The following KSR2 variants were observed in gnomAD, a reference collection of about 807,000 sequenced individuals.
KSR2 encodes kinase suppressor of ras 2.
In KSR2, 25 loss-of-function variants were observed where a neutral mutation model predicts 107.8. The observed-to-expected ratio is 0.23, with a 90% CI of 0.17 to 0.32. The LOEUF (loss-of-function observed/expected upper bound fraction) is 0.32. Among genes scored for constraint, KSR2 ranks in the 10% least tolerant of loss-of-function variants. KSR2 has a pLI of 1.00. For synonymous variants in KSR2, 480 were observed against 507.0 expected (o/e 0.95, Z 0.71); for missense variants, 887 against 1,268.9 (o/e 0.70, Z 4.57).
intron 12 of KSR2, among the ~76,000 whole-genome samples, 183 bp from the exon 13 acceptor site, chr12:117,527,302 GACACAC>G (rs754390805): frequency 2.8e-4 from 19 of 67,744 alleles, no homozygotes; most frequent in African/African-American, 6.6e-4. Flanking sequence ...CACACACACA[GACACAC>G]ACACACACAC....
intron 1 of KSR2, among the ~76,000 whole-genome samples, chr12:117,893,054 GT>G (rs1894397898): frequency 6.9e-6 from 1 of 145,012 alleles, no homozygotes. Flanking sequence ...GTCTTACTCT[GT>G]CACCCAGGCT....
chr12:117,936,521 T>TAGTAGTAGTAGTAG (rs1566089539), intron 1 of KSR2, among the ~76,000 whole-genome samples: 1 of 46,764 alleles, frequency 2.1e-5, no homozygotes. Flanking sequence ...TTTATTATTA[T>TAGTAGTAGTAGTAG]TATTATTATT....
At chr12:117,570,614 G>T (rs1421854478) in intron 7 of KSR2, among the ~76,000 whole-genome samples, 1 of 152,166 alleles carries the variant, frequency 6.6e-6, no homozygotes, top group East Asian at 1.9e-4. Flanking sequence ...TAGTGGGTCT[G>T]TTTCTTTTTA....
chr12:117,845,377 C>G (rs1377731369), intron 3 of KSR2, among the ~76,000 whole-genome samples: 3 of 152,186 alleles, frequency 2.0e-5, no homozygotes, highest in Admixed American at 2.0e-4. Context: ...GACCTGTTTG[C>G]TCTCAGAATG....
intron 5 of KSR2, among the ~76,000 whole-genome samples, chr12:117,632,886 T>C (rs2136377604): frequency 6.6e-6 from 1 of 152,332 alleles, no homozygotes; most frequent in East Asian, 1.9e-4. Context: ...TTTTTATGGC[T>C]GTGTAGTGTT....
chr12:117,860,016 C>T (rs1011706179), intron 2 of KSR2, among the ~76,000 whole-genome samples: 2 of 152,174 alleles, frequency 1.3e-5, no homozygotes, highest in African/African-American at 2.4e-5. Context: ...CACTGGACAG[C>T]GCTGGACTAA....
intron 3 of KSR2, among the ~76,000 whole-genome samples, chr12:117,790,114 A>G (rs532027869): frequency 6.6e-6 from 1 of 152,280 alleles, no homozygotes; most frequent in Admixed American, 6.5e-5. Context: ...GGACCAAAAC[A>G]TAAGAGTTGT....
At chr12:117,667,819 A>G (rs971354493) in intron 4 of KSR2, among the ~76,000 whole-genome samples, 161 bp from the exon 5 acceptor site, 1 of 152,162 alleles carries the variant, frequency 6.6e-6, no homozygotes, top group African/African-American at 2.4e-5. Flanking sequence ...AGGGCTGGGC[A>G]AAAAGGGTTT....
intron 5 of KSR2, among the ~76,000 whole-genome samples, chr12:117,585,533 C>A (rs777716406): frequency 3.3e-5 from 5 of 152,198 alleles, no homozygotes. Context: ...CAGCTTCCTA[C>A]GTGGGCAAGA....
At chr12:117,573,791 A>G (rs1263226977) in intron 7 of KSR2, among the ~76,000 whole-genome samples, 1 of 151,998 alleles carries the variant, frequency 6.6e-6, no homozygotes, top group Admixed American at 6.6e-5. Context: ...AGCCACCCAA[A>G]GTGCTGGGAT....
chr12:117,523,204 A>G (rs755578638), intron 14 of KSR2, among the ~76,000 whole-genome samples: 1 of 152,194 alleles, frequency 6.6e-6, no homozygotes, highest in African/African-American at 2.4e-5. Flanking sequence ...TCATAAGTGG[A>G]CTTAAGAAGG....
chr12:117,591,641 G>A (rs1257183423), intron 5 of KSR2, among the ~76,000 whole-genome samples: 1 of 151,472 alleles, frequency 6.6e-6, no homozygotes, highest in Non-Finnish European at 1.5e-5. Context: ...GGATGTGAGG[G>A]ACAACATCAC....
chr12:117,647,528 A>T (rs939782809), intron 5 of KSR2, among the ~76,000 whole-genome samples: 6 of 152,150 alleles, frequency 3.9e-5, no homozygotes, highest in Admixed American at 2.6e-4. Flanking sequence ...TATTTGGAGA[A>T]GGAAGAGTCC....
intron 5 of KSR2, among the ~76,000 whole-genome samples, chr12:117,613,539 A>G (rs960364446): frequency 6.6e-6 from 1 of 152,174 alleles, no homozygotes; most frequent in African/African-American, 2.4e-5. Flanking sequence ...ACCACAGGGC[A>G]TGGGATTTGG....
chr12:117,484,299 G>C, intron 16 of KSR2, 117 bp downstream of exon 16: 1 of 1,199,364 alleles, frequency 8.3e-7, no homozygotes, highest in African/African-American at 1.5e-5. Context: ...GCCCCACTCA[G>C]CTCAGCAACC....
chr12:117,795,520 T>C (rs1440606581), intron 3 of KSR2, among the ~76,000 whole-genome samples: 2 of 152,086 alleles, frequency 1.3e-5, no homozygotes, highest in Non-Finnish European at 2.9e-5. Context: ...TCTTCACAGA[T>C]GTCCCCAGCT....
At chr12:117,519,545 ATAAT>A (rs1390645827) in intron 14 of KSR2, among the ~76,000 whole-genome samples, 1 of 152,052 alleles carries the variant, frequency 6.6e-6, no homozygotes, top group Non-Finnish European at 1.5e-5. Context: ...GTTCTACAAA[ATAAT>A]TTGGGGAGTG....
chr12:117,960,835 T>C (rs1443031515), intron 1 of KSR2, among the ~76,000 whole-genome samples: 1 of 151,002 alleles, frequency 6.6e-6, no homozygotes, highest in Non-Finnish European at 1.5e-5. Context: ...GTTCTGGCTC[T>C]GTCACCGAGG....
intron 4 of KSR2, among the ~76,000 whole-genome samples, chr12:117,729,917 G>A (rs1887590118): frequency 1.3e-5 from 2 of 152,200 alleles, no homozygotes; most frequent in Admixed American, 6.5e-5. Flanking sequence ...TAGCACTGAT[G>A]ATCATGACTT....
Sources: gnomAD v4.1 joint callset for allele counts (sites outside exome capture counted in the v4.1 genomes callset) on GRCh38, gnomAD v4.1.1 for gene constraint, MANE v1.5 for transcripts, NCBI Gene and HGNC (gene_info 2026-07-23, HGNC 2026-07-21) for gene names.